MSRA: variants seen among roughly 807,000 people sequenced by gnomAD.
The protein encoded by MSRA is methionine sulfoxide reductase A, also known as mitochondrial peptide methionine sulfoxide reductase.
In MSRA, 54 loss-of-function variants were observed where a neutral mutation model predicts 31.3. The ratio of observed to expected loss-of-function variants is 1.73; its 90% CI spans 1.39 to 2.17. The LOEUF (loss-of-function observed/expected upper bound fraction) is 2.17. MSRA is among the 30% of genes most tolerant of loss of function. The pLI, the probability that MSRA is intolerant of heterozygous loss-of-function variation, is 0.00. For missense variants in MSRA, 507 were observed against 300.9 expected (o/e 1.69, Z -5.07); for synonymous variants, 169 against 116.5 (o/e 1.45, Z -2.90).
intron 1 of MSRA, among the ~76,000 whole-genome samples, chr8:10,117,415 C>T (rs1369581336): frequency 2.0e-5 from 3 of 152,214 alleles, no homozygotes; most frequent in Non-Finnish European, 2.9e-5. Context: ...GCTCTCTGGT[C>T]AGCCGCATTC....
chr8:10,228,989 G>A (rs1052619809), intron 2 of MSRA, among the ~76,000 whole-genome samples: 2 of 152,096 alleles, frequency 1.3e-5, no homozygotes, highest in South Asian at 2.1e-4. Context: ...CACAGTTAAA[G>A]TTGAGGAGAA....
At chr8:10,424,078 T>C (rs199661479) in intron 5 of MSRA, among the ~76,000 whole-genome samples, 2 of 152,266 alleles carry the variant, frequency 1.3e-5, no homozygotes, top group East Asian at 3.9e-4. Flanking sequence ...GAACATAGTA[T>C]GTGGAGCAGC....
At chr8:10,094,105 G>C (rs996658796) in intron 1 of MSRA, among the ~76,000 whole-genome samples, 3 of 152,156 alleles carry the variant, frequency 2.0e-5, no homozygotes, top group Non-Finnish European at 4.4e-5. Context: ...GTCTGCCCAC[G>C]TTTCATCATC....
At chr8:10,152,568 A>G (rs1803790643) in intron 1 of MSRA, among the ~76,000 whole-genome samples, 1 of 152,130 alleles carries the variant, frequency 6.6e-6, no homozygotes, top group South Asian at 2.1e-4. Flanking sequence ...TGGATTGGGG[A>G]ATCAGTGAAA....
intron 3 of MSRA, among the ~76,000 whole-genome samples, chr8:10,275,067 C>T (rs941774075): frequency 2.6e-5 from 4 of 152,230 alleles, no homozygotes; most frequent in Middle Eastern, 3.4e-3. Context: ...GCATTATTTT[C>T]ATCAGTTTAG....
chr8:10,207,303 G>C (rs976280823), intron 1 of MSRA, among the ~76,000 whole-genome samples: 2 of 152,218 alleles, frequency 1.3e-5, no homozygotes, highest in Non-Finnish European at 2.9e-5. Flanking sequence ...GGAGGCTGGT[G>C]TCTTTGGCCT....
chr8:10,086,258 A>C (rs1798553051), intron 1 of MSRA, among the ~76,000 whole-genome samples: 1 of 152,056 alleles, frequency 6.6e-6, no homozygotes, highest in African/African-American at 2.4e-5. Context: ...ATTGAAGATG[A>C]CTCTTGGGTT....
At chr8:10,272,745 AT>A (rs1033498888) in intron 3 of MSRA, among the ~76,000 whole-genome samples, 2 of 151,962 alleles carry the variant, frequency 1.3e-5, no homozygotes, top group East Asian at 1.9e-4. Flanking sequence ...TTATGTGTTT[AT>A]TTTTTTTATT....
At chr8:10,236,829 A>G (rs1362898567) in intron 2 of MSRA, among the ~76,000 whole-genome samples, 8 of 152,234 alleles carry the variant, frequency 5.3e-5, no homozygotes. Context: ...TGCAGGCGTG[A>G]GCCACCATGT....
intron 5 of MSRA, among the ~76,000 whole-genome samples, chr8:10,407,523 G>T (rs1005489350): frequency 1.3e-5 from 2 of 152,240 alleles, no homozygotes; most frequent in African/African-American, 2.4e-5. Context: ...TGATGGCAAT[G>T]AAATGTGTAG....
intron 2 of MSRA, among the ~76,000 whole-genome samples, chr8:10,239,734 G>T (rs546893350): frequency 6.6e-6 from 1 of 152,240 alleles, no homozygotes; most frequent in African/African-American, 2.4e-5. Flanking sequence ...AGCCAAGAGT[G>T]TGGGAACAAA....
At chr8:10,097,634 CTT>C (rs1799265773) in intron 1 of MSRA, among the ~76,000 whole-genome samples, 1 of 152,098 alleles carries the variant, frequency 6.6e-6, no homozygotes, top group Admixed American at 6.5e-5. Context: ...AAATATATAA[CTT>C]ATTTAATTTT....
intron 1 of MSRA, among the ~76,000 whole-genome samples, chr8:10,204,852 G>C (rs1379158343): frequency 3.9e-5 from 6 of 152,182 alleles, no homozygotes; most frequent in Admixed American, 6.5e-5. Context: ...CGCTGAGAGA[G>C]GATTATGGAA....
rs372440926 is a variant in MSRA at position 10,125,602 on chromosome 8, T to A, written c.142+70944T>A. 2.3e-4 allele frequency among the ~76,000 whole-genome samples: 35 copies of A among 152,296 alleles called. 1 individual carries two copies. Among genetic ancestry groups the A allele is most frequent in the African/African-American group, 7.9e-4 (33 of 41,578 alleles). ...TGAACCGGGCTAAGGAGCTTGAACC[T>A]GATCCTGCAGGTATAGCGGGAACCA... On this transcript the variant is annotated intron_variant, in intron 1 of 5. Transcript: ENST00000317173.
At chr8:10,325,546 T>G (rs1802313758) in intron 5 of MSRA, among the ~76,000 whole-genome samples, 1 of 152,202 alleles carries the variant, frequency 6.6e-6, no homozygotes, top group Non-Finnish European at 1.5e-5. Flanking sequence ...TTCATGTATT[T>G]ATGAGGCCCT....
chr8:10,136,101 T>C (rs1802250373), intron 1 of MSRA, among the ~76,000 whole-genome samples: 1 of 152,154 alleles, frequency 6.6e-6, no homozygotes, highest in Non-Finnish European at 1.5e-5. Context: ...TTTTAAATTT[T>C]AGGCCATGAA....
chr8:10,140,211 G>A (rs996883868), intron 1 of MSRA, among the ~76,000 whole-genome samples: 15 of 152,174 alleles, frequency 9.9e-5, no homozygotes, highest in African/African-American at 3.4e-4. Context: ...ATTCTTCTCT[G>A]TGTCCCTGTG....
chr8:10,204,336 C>T (rs911722276), intron 1 of MSRA, among the ~76,000 whole-genome samples: 11 of 152,336 alleles, frequency 7.2e-5, no homozygotes, highest in Admixed American at 5.9e-4. Flanking sequence ...GGCCTTCACA[C>T]CCACTCACCA....
At chr8:10,428,092 C>T (rs1809297572) in intron 5 of MSRA, 56 bp from the exon 6 acceptor site, 3 of 1,563,374 alleles carry the variant, frequency 1.9e-6, no homozygotes, top group Non-Finnish European at 2.6e-6. Context: ...TGCCACCCCT[C>T]GCAGGTGCTG....
Sources: gnomAD v4.1 joint callset for allele counts (sites outside exome capture counted in the v4.1 genomes callset) on GRCh38, gnomAD v4.1.1 for gene constraint, MANE v1.5 for transcripts, NCBI Gene and HGNC (gene_info 2026-07-23, HGNC 2026-07-21) for gene names.